PIK3AP1: variants seen among roughly 807,000 people sequenced by gnomAD.
PIK3AP1 encodes phosphoinositide 3-kinase adapter protein 1.
In PIK3AP1, 21 loss-of-function variants were observed where a neutral mutation model predicts 88.1. The observed-to-expected ratio is 0.24, with a 90% CI of 0.17 to 0.34. PIK3AP1 has a LOEUF of 0.34. Ranked by LOEUF, PIK3AP1 falls within the 10% of genes least tolerant of loss-of-function variation. PIK3AP1 has a pLI of 1.00. For synonymous variants in PIK3AP1, 398 were observed against 400.0 expected, an observed-to-expected ratio of 1.00 and a Z score of 0.06; for missense variants, 828 against 1,035.7, an observed-to-expected ratio of 0.80 and a Z score of 2.75.
At chr10:96,621,453 T>C (rs1589494198) in intron 11 of PIK3AP1, 1 of 152,458 alleles carries the variant, frequency 6.6e-6, no homozygotes, top group African/African-American at 2.4e-5. Flanking sequence ...AGGTCAATGA[T>C]CTCAGACACC....
chr10:96,609,269 T>G (rs1302458834), intron 14 of PIK3AP1, among the ~76,000 whole-genome samples: 1 of 152,262 alleles, frequency 6.6e-6, no homozygotes, highest in Non-Finnish European at 1.5e-5. Flanking sequence ...CTAAGAGCCT[T>G]GGCTCTGTAT....
chr10:96,679,684 A>G (rs767465312), intron 2 of PIK3AP1, among the ~76,000 whole-genome samples: 7 of 152,204 alleles, frequency 4.6e-5, no homozygotes, highest in Non-Finnish European at 5.9e-5. Context: ...TCCAAAGCCC[A>G]GCATTCAGGC....
intron 2 of PIK3AP1, among the ~76,000 whole-genome samples, chr10:96,674,502 T>G (rs1843889823): frequency 6.6e-6 from 1 of 152,252 alleles, no homozygotes; most frequent in Non-Finnish European, 1.5e-5. Context: ...TTAGTGTTGT[T>G]TATCTGTTGA....
At chr10:96,636,248 A>T (rs1843311138) in intron 8 of PIK3AP1, among the ~76,000 whole-genome samples, 1 of 151,846 alleles carries the variant, frequency 6.6e-6, no homozygotes, top group Non-Finnish European at 1.5e-5. Context: ...AAAATAATAC[A>T]AAAATTAAAA....
At chr10:96,667,046 C>T (rs567426718) in intron 2 of PIK3AP1, among the ~76,000 whole-genome samples, 1 of 152,338 alleles carries the variant, frequency 6.6e-6, no homozygotes, top group Admixed American at 6.5e-5. Flanking sequence ...CAATGCTGCC[C>T]TGGTTAGGTA....
chr10:96,601,936 T>G (rs568964028), intron 16 of PIK3AP1, among the ~76,000 whole-genome samples: 8 of 152,186 alleles, frequency 5.3e-5, no homozygotes, highest in Non-Finnish European at 1.2e-4. Flanking sequence ...CAGGCTAGAG[T>G]GCAGTGGCAT....
At chr10:96,684,020 G>A (rs970383151) in intron 2 of PIK3AP1, among the ~76,000 whole-genome samples, 9 of 152,174 alleles carry the variant, frequency 5.9e-5, no homozygotes, top group Non-Finnish European at 1.3e-4. Flanking sequence ...TCACCACAGG[G>A]CATTTATTTT....
intron 2 of PIK3AP1, among the ~76,000 whole-genome samples, chr10:96,686,445 T>C (rs1844069371): frequency 6.6e-6 from 1 of 152,192 alleles, no homozygotes; most frequent in African/African-American, 2.4e-5. Context: ...TACCCGTGGA[T>C]GTACCGCAAA....
At chr10:96,648,359 T>C (rs1377719711) in intron 7 of PIK3AP1, among the ~76,000 whole-genome samples, 1 of 152,222 alleles carries the variant, frequency 6.6e-6, no homozygotes, top group Non-Finnish European at 1.5e-5. Context: ...GATTTCCTTT[T>C]ACCTTCAAAA....
chr10:96,621,881 TAGC>T (rs1394440476), intron 11 of PIK3AP1, among the ~76,000 whole-genome samples: 2 of 152,264 alleles, frequency 1.3e-5, no homozygotes, highest in Non-Finnish European at 2.9e-5. Context: ...CATTAAATGC[TAGC>T]AGCACCCCCT....
At chr10:96,676,856 C>A (rs1843928785) in intron 2 of PIK3AP1, among the ~76,000 whole-genome samples, 1 of 152,110 alleles carries the variant, frequency 6.6e-6, no homozygotes, top group Non-Finnish European at 1.5e-5. Flanking sequence ...TGGAATCTAA[C>A]CCTTGAGCTG....
At chr10:96,693,301 C>CTTCCA (rs1844178705) in intron 2 of PIK3AP1, among the ~76,000 whole-genome samples, 1 of 152,268 alleles carries the variant, frequency 6.6e-6, no homozygotes, top group Non-Finnish European at 1.5e-5. Context: ...CCACCCTGCT[C>CTTCCA]TTCTGAGGGA....
chr10:96,624,856 C>T (rs1564959615), intron 10 of PIK3AP1, among the ~76,000 whole-genome samples: 1 of 152,172 alleles, frequency 6.6e-6, no homozygotes, highest in Non-Finnish European at 1.5e-5. Context: ...TGAGGAATCA[C>T]CTGTGCCCCT....
chr10:96,706,019 G>C (rs532065100), intron 2 of PIK3AP1, among the ~76,000 whole-genome samples: 1 of 143,566 alleles, frequency 7.0e-6, no homozygotes, highest in Non-Finnish European at 1.5e-5. Flanking sequence ...TCAGCCTCCC[G>C]AGTAGCTGGG....
intron 6 of PIK3AP1, among the ~76,000 whole-genome samples, chr10:96,649,604 T>G (rs749214539): frequency 6.6e-6 from 1 of 152,240 alleles, no homozygotes; most frequent in Non-Finnish European, 1.5e-5. Flanking sequence ...AATTTCATGA[T>G]AAGTACACCA....
intron 2 of PIK3AP1, among the ~76,000 whole-genome samples, chr10:96,704,419 T>C (rs1439999241): frequency 6.6e-6 from 1 of 152,146 alleles, no homozygotes; most frequent in Non-Finnish European, 1.5e-5. Context: ...TGTGAGCTTG[T>C]TAGAAATGCA....
chr10:96,649,056 T>A (rs1280775600), intron 6 of PIK3AP1, among the ~76,000 whole-genome samples: 1 of 152,162 alleles, frequency 6.6e-6, no homozygotes, highest in Non-Finnish European at 1.5e-5. Flanking sequence ...GGACATAATT[T>A]TTTTTGTTGA....
chr10:96,701,393 T>C (rs1844296377), intron 2 of PIK3AP1, among the ~76,000 whole-genome samples: 1 of 152,218 alleles, frequency 6.6e-6, no homozygotes, highest in African/African-American at 2.4e-5. Flanking sequence ...TTCCAGTGCT[T>C]ACCCCAATCA....
intron 8 of PIK3AP1, among the ~76,000 whole-genome samples, chr10:96,635,529 C>T (rs1428379779): frequency 2.0e-5 from 3 of 152,224 alleles, no homozygotes; most frequent in Non-Finnish European, 4.4e-5. Flanking sequence ...ATTCCATTTT[C>T]GTGGCAAACA....
Sources: gnomAD v4.1 joint callset for allele counts (sites outside exome capture counted in the v4.1 genomes callset) on GRCh38, gnomAD v4.1.1 for gene constraint, MANE v1.5 for transcripts, NCBI Gene and HGNC (gene_info 2026-07-23, HGNC 2026-07-21) for gene names.